IKZF1: variants seen among roughly 807,000 people sequenced by gnomAD.
IKZF1 encodes IKAROS family zinc finger 1.
A neutral mutation model predicts 51.7 loss-of-function variants in IKZF1; 10 were observed. That is an observed-to-expected ratio of 0.19 (90% CI 0.12 to 0.33). IKZF1 has a LOEUF of 0.33. IKZF1 is among the 10% of genes least tolerant of loss of function. IKZF1 has a pLI of 1.00. For synonymous variants in IKZF1, 280 were observed against 282.3 expected, an observed-to-expected ratio of 0.99 and a Z score of 0.08; for missense variants, 484 against 707.5, an observed-to-expected ratio of 0.68 and a Z score of 3.58.
chr7:50,369,907 T>C (rs1347224317), intron 3 of IKZF1, among the ~76,000 whole-genome samples: 2 of 152,214 alleles, frequency 1.3e-5, no homozygotes, highest in African/African-American at 2.4e-5. Context: ...AACAACCTTC[T>C]ACATTTTAAA....
chr7:50,350,142 G>A (rs575130893), intron 3 of IKZF1, among the ~76,000 whole-genome samples: 20 of 152,354 alleles, frequency 1.3e-4, no homozygotes, highest in East Asian at 3.9e-4. Flanking sequence ...ACCACCGTCC[G>A]CTGGGAGGCC....
Position 50,401,036 on chromosome 7 carries a change from CT to C in IKZF1, c.*414del. 6.2e-6 allele frequency: 2 copies of C among 320,762 alleles called. No individual in the cohort carries two copies. Among genetic ancestry groups the C allele is most frequent in the South Asian group, 4.6e-5 (1 of 21,558 alleles). 19.9% of individuals were successfully genotyped at this position (320,762 alleles called of 1,614,324 possible). A position where few individuals can be genotyped will look rare whatever the true frequency, so the allele number is the denominator to read the frequency against. ...AGCACGGGGTTCGCGCACCAGGTGT[CT>C]TTTTCCAGTCCCCAGAAGCAGAGAG... On this transcript the variant is annotated 3_prime_UTR_variant, in exon 8 of 8. Transcript: ENST00000331340.
intron 3 of IKZF1, among the ~76,000 whole-genome samples, chr7:50,356,962 C>G (rs576220625): frequency 1.3e-5 from 2 of 151,620 alleles, no homozygotes; most frequent in Admixed American, 6.6e-5. Context: ...GTCTCGTGGT[C>G]GCTGGGCTGG....
chr7:50,336,558 G>A (rs1797835551), intron 3 of IKZF1, among the ~76,000 whole-genome samples: 2 of 152,196 alleles, frequency 1.3e-5, no homozygotes, highest in Admixed American at 6.5e-5. Context: ...CCTTGGGACA[G>A]GCGGTGGCGA....
intron 3 of IKZF1, among the ~76,000 whole-genome samples, chr7:50,334,312 G>A (rs1232466356): frequency 6.6e-6 from 1 of 152,174 alleles, no homozygotes; most frequent in Non-Finnish European, 1.5e-5. Flanking sequence ...TGATGTGTGT[G>A]TGTTTGTGTA....
intron 3 of IKZF1, among the ~76,000 whole-genome samples, chr7:50,370,322 T>C (rs1368007047): frequency 6.6e-6 from 1 of 152,208 alleles, no homozygotes; most frequent in Non-Finnish European, 1.5e-5. Context: ...ATTGGTCAGG[T>C]GGGGACTAAC....
intron 3 of IKZF1, among the ~76,000 whole-genome samples, chr7:50,349,111 T>G (rs950446206): frequency 9.3e-4 from 141 of 152,298 alleles, no homozygotes; most frequent in African/African-American, 3.3e-3. Flanking sequence ...ATTATAAATC[T>G]TTTGCTCTTT....
At chr7:50,366,332 A>C (rs1241104669) in intron 3 of IKZF1, among the ~76,000 whole-genome samples, 1 of 152,254 alleles carries the variant, frequency 6.6e-6, no homozygotes, top group African/African-American at 2.4e-5. Context: ...TGAAGTGGGA[A>C]GTGTCTTGAC....
chr7:50,402,036 A>C lies in IKZF1; in HGVS notation c.*1409A>C. 1.3e-5 allele frequency: 3 copies of C among 229,702 alleles called. No individual in the cohort carries two copies. The highest frequency in any genetic ancestry group is 2.6e-5 in the Non-Finnish European group (3 of 115,728). The allele number at this position is 229,702 out of a possible 1,614,324, so 14.2% of individuals were successfully genotyped here. On this transcript the variant is annotated 3_prime_UTR_variant, in exon 8 of 8. Transcript: ENST00000331340. ...CCCTAGGAAAGAGGAGGCAAATGGC[A>C]CTGCAGGTGAGAACCCCGCCCATCC... is the stretch of plus-strand genomic sequence containing the variant.
chr7:50,355,618 C>T lies in IKZF1; in HGVS notation c.161-20915C>T, dbSNP rs185676291. On this transcript the variant is annotated intron_variant, in intron 3 of 7. Coordinates refer to ENST00000331340, the MANE Select transcript of IKZF1 (RefSeq NM_006060.6). ...CTCCAAAGTTTAATGTGTTAGCTTG[C>T]GAATAAATAAATAAATAAATAAATA... Among the ~76,000 whole-genome samples, 216 of 52,662 alleles carry T rather than the reference C, an allele frequency of 4.1e-3. 1 individual carries two copies. Among genetic ancestry groups the T allele is most frequent in the African/African-American group, 0.017 (192 of 11,124 alleles). 34.5% of individuals were successfully genotyped at this position (52,662 alleles called of 152,430 possible).
rs993041320 is a variant in IKZF1, at chr7:50,345,027, A to T, written c.160+17270A>T. ...ACGGTTACTTTTGCACCAACCTAAT[A>T]GATGGGAAAAATAAGAGGAATGAAT... On this transcript the variant is annotated intron_variant, in intron 3 of 7. Coordinates refer to ENST00000331340, the MANE Select transcript of IKZF1 (RefSeq NM_006060.6). Among the ~76,000 whole-genome samples the T allele has an allele frequency of 3.3e-5, 5 of 152,106 alleles. No homozygotes were observed. The East Asian group carries it at 9.7e-4, about 30-fold the overall frequency.
chr7:50,383,143 T>C (rs1352042514), intron 5 of IKZF1, among the ~76,000 whole-genome samples: 1 of 152,184 alleles, frequency 6.6e-6, no homozygotes, highest in Admixed American at 6.5e-5. Flanking sequence ...TGGATAGCTT[T>C]TTTGCAGAGC....
chr7:50,333,078 C>G (rs1219204222), intron 3 of IKZF1, among the ~76,000 whole-genome samples: 3 of 142,146 alleles, frequency 2.1e-5, no homozygotes, highest in Admixed American at 1.4e-4. Context: ...TTACCCTAGC[C>G]TAATTGAAAA....
At chr7:50,354,870 T>C (rs554446460) in intron 3 of IKZF1, among the ~76,000 whole-genome samples, 16 of 152,264 alleles carry the variant, frequency 1.1e-4, no homozygotes, top group African/African-American at 3.4e-4. Context: ...GAAGGGAAGA[T>C]ACTCAAGCGT....
In IKZF1 at chr7:50,362,154, C is replaced by G. The variant is rs141145304; in HGVS notation, c.161-14379C>G. Among the ~76,000 whole-genome samples the G allele has an allele frequency of 1.7e-3, 257 of 151,478 alleles. 2 individuals carry two copies. The highest frequency in any genetic ancestry group is 5.9e-3 in the African/African-American group (247 of 41,524). Reference sequence around the variant, plus strand: ...TGTCAAGTTCTCCAAATCATCTGCTCTGGAAGGTAGCTCCAACAGCTGGGA... The same window carrying G: ...TGTCAAGTTCTCCAAATCATCTGCTGTGGAAGGTAGCTCCAACAGCTGGGA... On this transcript the variant is annotated intron_variant, in intron 3 of 7. Coordinates refer to ENST00000331340, the MANE Select transcript of IKZF1 (RefSeq NM_006060.6).
At chr7:50,346,126 C>T (rs1446108200) in intron 3 of IKZF1, among the ~76,000 whole-genome samples, 3 of 152,140 alleles carry the variant, frequency 2.0e-5, no homozygotes, top group East Asian at 1.9e-4. Flanking sequence ...ATCCCACCCC[C>T]GCTGCCCACA....
intron 5 of IKZF1, among the ~76,000 whole-genome samples, chr7:50,384,459 A>G (rs944106459): frequency 2.6e-5 from 4 of 152,242 alleles, no homozygotes; most frequent in Non-Finnish European, 5.9e-5. Context: ...CAAGCTGAGG[A>G]GTTGCTTGCC....
At chr7:50,377,440 A>G (rs1471288287) in intron 4 of IKZF1, 2 of 153,024 alleles carry the variant, frequency 1.3e-5, no homozygotes, top group Admixed American at 1.3e-4. Flanking sequence ...TACTGGAAGT[A>G]TAAGAGAATG....
chr7:50,325,924 T>C (rs1794879242), intron 2 of IKZF1, among the ~76,000 whole-genome samples: 1 of 152,272 alleles, frequency 6.6e-6, no homozygotes, highest in Non-Finnish European at 1.5e-5. Flanking sequence ...CTGCTCCGTC[T>C]TTAACTATTC....
Sources: allele counts gnomAD v4.1 joint callset (sites outside exome capture counted in the v4.1 genomes callset), GRCh38; gene constraint gnomAD v4.1.1; transcripts MANE v1.5; gene names NCBI Gene and HGNC (gene_info 2026-07-23, HGNC 2026-07-21).